DENND1B: variants seen among roughly 807,000 people sequenced by gnomAD.
DENND1B encodes DENN domain containing 1B, also known as DENN domain-containing protein 1B.
DENND1B carries 59 observed loss-of-function variants against 90.1 expected under a neutral mutation model. The observed-to-expected ratio is 0.65, with a 90% CI of 0.53 to 0.81. The LOEUF (loss-of-function observed/expected upper bound fraction) is 0.81, where lower values mean the gene tolerates loss of function less well. Among genes scored for constraint, DENND1B ranks in the 40% least tolerant of loss-of-function variants. DENND1B has a pLI of 0.00. For synonymous variants in DENND1B, 337 were observed against 324.6 expected, an observed-to-expected ratio of 1.04 and a Z score of -0.41; for missense variants, 862 against 912.6, an observed-to-expected ratio of 0.94 and a Z score of 0.71.
At chr1:197,741,858 AT>A (rs1375715586) in intron 2 of DENND1B, among the ~76,000 whole-genome samples, 1 of 152,140 alleles carries the variant, frequency 6.6e-6, no homozygotes, top group African/African-American at 2.4e-5. Context: ...TCATTTAGAG[AT>A]TCGATTTGCA....
intron 2 of DENND1B, among the ~76,000 whole-genome samples, chr1:197,741,403 T>C (rs1663202709): frequency 6.6e-6 from 1 of 152,310 alleles, no homozygotes; most frequent in Admixed American, 6.5e-5. Flanking sequence ...AAATAATCAT[T>C]AAAGCAGTTT....
intron 2 of DENND1B, among the ~76,000 whole-genome samples, chr1:197,770,739 TATATATATCTATAAATATATATAA>T (rs1308511293): frequency 2.4e-4 from 33 of 138,520 alleles, no homozygotes; most frequent in Admixed American, 1.3e-3. Flanking sequence ...TATATATAAA[TATATATATCTATAAATATATATAA>T]ATATATATCT....
intron 12 of DENND1B, among the ~76,000 whole-genome samples, chr1:197,610,131 T>C (rs1677048309): frequency 6.6e-6 from 1 of 150,676 alleles, no homozygotes; most frequent in Non-Finnish European, 1.5e-5. Flanking sequence ...ACCAATTAAA[T>C]AAAATAAGGC....
chr1:197,714,852 C>T (rs545165809), intron 3 of DENND1B, among the ~76,000 whole-genome samples, 179 bp downstream of exon 3: 8 of 152,194 alleles, frequency 5.3e-5, no homozygotes, highest in Non-Finnish European at 1.2e-4. Context: ...TACTTGGTAA[C>T]TTTAAAAGAT....
Position 197,640,978 on chromosome 1 carries a change from G to T in DENND1B, c.672+1733C>A, listed in dbSNP as rs1393835010. Among the ~76,000 whole-genome samples the T allele has an allele frequency of 2.0e-5, 3 of 152,134 alleles. No homozygotes were observed. In the East Asian group the frequency reaches 5.8e-4, roughly 29 times the overall value. ...AAACAAAATACTACCTCATTGGAGAGGCCTTCCTTACATAAAATGGAAACC... is the reference window on the plus strand; with the variant it reads ...AAACAAAATACTACCTCATTGGAGATGCCTTCCTTACATAAAATGGAAACC... On this transcript the variant is annotated intron_variant, in intron 10 of 22. Transcript: ENST00000620048.
At chr1:197,771,879 A>T (rs1656662159) in intron 2 of DENND1B, among the ~76,000 whole-genome samples, 1 of 152,214 alleles carries the variant, frequency 6.6e-6, no homozygotes, top group African/African-American at 2.4e-5. Context: ...GCAAGAAAAG[A>T]ATTCCTTATT....
chr1:197,542,921 A>T (rs989067729), intron 18 of DENND1B, among the ~76,000 whole-genome samples: 2 of 149,296 alleles, frequency 1.3e-5, no homozygotes, highest in Admixed American at 6.6e-5. Flanking sequence ...AACCTTTTTT[A>T]TTTATTTATT....
chr1:197,589,399 T>G (rs375457765), intron 14 of DENND1B, among the ~76,000 whole-genome samples: 2 of 152,154 alleles, frequency 1.3e-5, no homozygotes, highest in African/African-American at 4.8e-5. Flanking sequence ...CACCAAATAT[T>G]TCTTTGGTGG....
chr1:197,633,718 ACTT>A (rs1226609409), intron 10 of DENND1B, among the ~76,000 whole-genome samples: 1 of 152,072 alleles, frequency 6.6e-6, no homozygotes, highest in Non-Finnish European at 1.5e-5. Context: ...CTCTTGCAGC[ACTT>A]GAAGCCTTTC....
chr1:197,750,164 A>G (rs1382067784), intron 2 of DENND1B, among the ~76,000 whole-genome samples: 1 of 152,200 alleles, frequency 6.6e-6, no homozygotes, highest in African/African-American at 2.4e-5. Context: ...TCTTTCATAT[A>G]GAAAAAATAG....
chr1:197,531,128 C>T (rs1212122240), intron 20 of DENND1B, among the ~76,000 whole-genome samples: 1 of 152,144 alleles, frequency 6.6e-6, no homozygotes, highest in Non-Finnish European at 1.5e-5. Flanking sequence ...TAATTCTTGC[C>T]CTGACTGGAT....
chr1:197,564,983 C>T (rs1289595326), intron 15 of DENND1B, among the ~76,000 whole-genome samples: 3 of 152,074 alleles, frequency 2.0e-5, no homozygotes, highest in African/African-American at 4.8e-5. Context: ...TCTCTATATT[C>T]CCCCATGTCA....
chr1:197,621,116 T>G (rs1345950603), intron 10 of DENND1B, among the ~76,000 whole-genome samples: 1 of 151,144 alleles, frequency 6.6e-6, no homozygotes, highest in Non-Finnish European at 1.5e-5. Flanking sequence ...CTGGAGGAAG[T>G]GGGAGAATGG....
At chr1:197,666,061 C>A (rs1258202588) in intron 5 of DENND1B, among the ~76,000 whole-genome samples, 1 of 152,104 alleles carries the variant, frequency 6.6e-6, no homozygotes, top group African/African-American at 2.4e-5. Flanking sequence ...CATATTTTAA[C>A]ATCCAAAAGT....
At chr1:197,705,139 G>A (rs1659400826) in intron 3 of DENND1B, among the ~76,000 whole-genome samples, 1 of 152,208 alleles carries the variant, frequency 6.6e-6, no homozygotes, top group Non-Finnish European at 1.5e-5. Flanking sequence ...GGCTAGTTAA[G>A]GAGAATGCAG....
Position 197,715,066 on chromosome 1 carries a change from C to T in DENND1B, c.91G>A (p.Val31Ile), listed in dbSNP as rs1171685283. ...CHASENEDPV[V>I]LWKFPEDFGD... ...AAGTCCTCTGGGAATTTCCACAATA[C>T]CACAGGATCTGTAAATAATTGACAT... The change falls in exon 3 of 23, where the codon GTA becomes ATA. Residue 31 changes from valine to isoleucine, a missense_variant. Coordinates refer to ENST00000620048, the MANE Select transcript of DENND1B (RefSeq NM_001195215.2). 1.2e-6 allele frequency: 2 copies of T among 1,610,744 alleles called. No individual in the cohort carries two copies. The highest frequency in any genetic ancestry group is 1.7e-5 in the Admixed American group (1 of 59,936).
At chr1:197,662,045 T>G (rs1455918347) in intron 5 of DENND1B, among the ~76,000 whole-genome samples, 4 of 152,082 alleles carry the variant, frequency 2.6e-5, no homozygotes, top group Non-Finnish European at 4.4e-5. Context: ...TCCAAGATAA[T>G]AAGCTTTATT....
At chr1:197,665,904 C>T (rs1052794198) in intron 5 of DENND1B, among the ~76,000 whole-genome samples, 1 of 151,912 alleles carries the variant, frequency 6.6e-6, no homozygotes, top group African/African-American at 2.4e-5. Context: ...AATTTCTGTC[C>T]AAGAATCTTA....
chr1:197,707,626 AATACATATATTATATAAT>A lies in DENND1B; in HGVS notation c.126+7387_126+7404del, dbSNP rs1452889105. 4.1e-5 allele frequency among the ~76,000 whole-genome samples: 6 copies of A among 147,354 alleles called. No individual in the cohort carries two copies. The East Asian group carries it at 7.8e-4, about 19-fold the overall frequency. ...ATACATATATATACATATATAATAT[AATACATATATTATATAAT>A]ATACATATATTATATACATATATAA... On this transcript the variant is annotated intron_variant, in intron 3 of 22. Coordinates refer to ENST00000620048, the MANE Select transcript of DENND1B (RefSeq NM_001195215.2).
Sources: gnomAD v4.1 joint callset for allele counts (sites outside exome capture counted in the v4.1 genomes callset) on GRCh38, gnomAD v4.1.1 for gene constraint, MANE v1.5 for transcripts, NCBI Gene and HGNC (gene_info 2026-07-23, HGNC 2026-07-21) for gene names.